The following CHN2 variants were observed in gnomAD, a reference collection of about 807,000 sequenced individuals.
CHN2 encodes the protein chimerin 2, also known as beta-chimaerin.
CHN2 carries 35 observed loss-of-function variants against 56.3 expected under a neutral mutation model. The observed-to-expected ratio is 0.62, with a 90% CI of 0.47 to 0.82. CHN2 has a LOEUF of 0.82. Among genes scored for constraint, CHN2 ranks in the 40% least tolerant of loss-of-function variants. CHN2 has a pLI of 0.00. For missense variants in CHN2, 491 were observed against 580.5 expected, an observed-to-expected ratio of 0.85 and a Z score of 1.58; for synonymous variants, 210 against 212.8, an observed-to-expected ratio of 0.99 and a Z score of 0.12.
chr7:29,229,245 A>G (rs1296065444), intron 1 of CHN2, among the ~76,000 whole-genome samples: 2 of 152,196 alleles, frequency 1.3e-5, no homozygotes, highest in Non-Finnish European at 2.9e-5. Context: ...ACATGTCTTT[A>G]CCTTATCTAA....
chr7:29,510,934 T>C (rs1036664146), intron 12 of CHN2, among the ~76,000 whole-genome samples: 1 of 85,310 alleles, frequency 1.2e-5, no homozygotes, highest in Non-Finnish European at 2.3e-5. Flanking sequence ...GGTGACACTA[T>C]TCTCCCTAAA....
At chr7:29,459,170 G>A (rs929193071) in intron 6 of CHN2, among the ~76,000 whole-genome samples, 3 of 152,126 alleles carry the variant, frequency 2.0e-5, no homozygotes, top group African/African-American at 7.2e-5. Flanking sequence ...TCTCCCGCTC[G>A]GAAGGCTATG....
rs778941675 is a variant in CHN2 at position 29,447,099 on chromosome 7, T to A, written c.577-33180T>A. Among the ~76,000 whole-genome samples the A allele has an allele frequency of 3.3e-5, 5 of 152,298 alleles. No individual in the cohort carries two copies. The South Asian group carries it at 8.3e-4, about 25-fold the overall frequency. On this transcript the variant is annotated intron_variant, in intron 6 of 12. Coordinates refer to ENST00000222792, the MANE Select transcript of CHN2 (RefSeq NM_004067.4). ...AAAATTCAGAATGTCAGTCAACTAA[T>A]GAAAAATTACAGATGGGGGAAGAGG... is the stretch of plus-strand genomic sequence containing the variant.
At chr7:29,370,793 A>G (rs1176589602) in intron 3 of CHN2, among the ~76,000 whole-genome samples, 2 of 152,298 alleles carry the variant, frequency 1.3e-5, no homozygotes, top group Non-Finnish European at 2.9e-5. Context: ...GTGGTTATCA[A>G]CAGATACCAA....
At chr7:29,183,424 T>A (rs1159651679) in intron 2 of CHN2, among the ~76,000 whole-genome samples, 1 of 151,036 alleles carries the variant, frequency 6.6e-6, no homozygotes, top group Non-Finnish European at 1.5e-5. Flanking sequence ...TTGCCCAGGC[T>A]GGAGTGAGGT....
intron 6 of CHN2, among the ~76,000 whole-genome samples, chr7:29,461,342 T>C (rs1278892951): frequency 6.6e-6 from 1 of 151,768 alleles, no homozygotes; most frequent in Non-Finnish European, 1.5e-5. Flanking sequence ...GATGGAGGGG[T>C]GACTAGGAGT....
intron 8 of CHN2, among the ~76,000 whole-genome samples, chr7:29,499,531 AC>A (rs1467256173): frequency 2.0e-4 from 30 of 152,182 alleles, no homozygotes; most frequent in Admixed American, 2.0e-3. Flanking sequence ...GGGAATCCAA[AC>A]CCGAAAACCT....
chr7:29,170,656 T>C (rs1370766491), intron 2 of CHN2, among the ~76,000 whole-genome samples: 3 of 152,228 alleles, frequency 2.0e-5, no homozygotes, highest in African/African-American at 7.2e-5. Flanking sequence ...TTCTGTAATA[T>C]CTAATCTCAG....
chr7:29,335,033 A>G (rs959868067), intron 1 of CHN2, among the ~76,000 whole-genome samples: 2 of 152,230 alleles, frequency 1.3e-5, no homozygotes, highest in African/African-American at 4.8e-5. Flanking sequence ...TAGGTTGAAT[A>G]TAATAGTTTT....
chr7:29,177,535 T>TG (rs1406662039), intron 2 of CHN2, among the ~76,000 whole-genome samples: 1 of 151,766 alleles, frequency 6.6e-6, no homozygotes, highest in Non-Finnish European at 1.5e-5. Context: ...ATTACAGGCA[T>TG]GACCCACCGT....
chr7:29,466,503 T>A (rs992830082), intron 6 of CHN2, among the ~76,000 whole-genome samples: 2 of 152,228 alleles, frequency 1.3e-5, no homozygotes, highest in African/African-American at 2.4e-5. Flanking sequence ...TTAACCTAAA[T>A]CATGTTTGTA....
chr7:29,187,664 G>T (rs1410635066), intron 2 of CHN2, among the ~76,000 whole-genome samples: 1 of 151,928 alleles, frequency 6.6e-6, no homozygotes. Flanking sequence ...GGAGGCAGAG[G>T]TTGCAATGAG....
intron 2 of CHN2, among the ~76,000 whole-genome samples, chr7:29,363,734 G>GTCAGGGAA (rs1798918405): frequency 6.6e-6 from 1 of 152,158 alleles, no homozygotes. Flanking sequence ...ATTTTATACA[G>GTCAGGGAA]GCAAGTCAGG....
chr7:29,477,262 C>T (rs1477557603), intron 6 of CHN2, among the ~76,000 whole-genome samples: 1 of 152,182 alleles, frequency 6.6e-6, no homozygotes, highest in Non-Finnish European at 1.5e-5. Flanking sequence ...CTTCACTTGT[C>T]TGAATGTGTC....
chr7:29,239,676 C>G (rs113265411), intron 1 of CHN2, among the ~76,000 whole-genome samples: 30 of 152,312 alleles, frequency 2.0e-4, no homozygotes, highest in African/African-American at 6.5e-4. Context: ...TTCCCACATT[C>G]TGATCTGATT....
chr7:29,371,108 G>A (rs1451492195), intron 3 of CHN2, among the ~76,000 whole-genome samples: 2 of 152,212 alleles, frequency 1.3e-5, no homozygotes, highest in African/African-American at 4.8e-5. Context: ...CTCAGTTAAT[G>A]TTCATGATTC....
intron 6 of CHN2, among the ~76,000 whole-genome samples, chr7:29,411,566 C>T (rs1803219404): frequency 6.6e-6 from 1 of 152,178 alleles, no homozygotes; most frequent in South Asian, 2.1e-4. Context: ...CCCCGTGTCC[C>T]TGGCTAGGGT....
intron 1 of CHN2, among the ~76,000 whole-genome samples, chr7:29,324,308 C>T (rs1795627020): frequency 6.6e-6 from 1 of 152,210 alleles, no homozygotes; most frequent in Admixed American, 6.5e-5. Context: ...TGCATCTCTT[C>T]TCCACACAGC....
intron 3 of CHN2, among the ~76,000 whole-genome samples, chr7:29,376,611 C>G (rs548416982): frequency 1.2e-4 from 19 of 152,192 alleles, no homozygotes; most frequent in Non-Finnish European, 2.1e-4. Flanking sequence ...TCTTGCTTCT[C>G]TCTGCTTTCT....
Sources: allele counts gnomAD v4.1 joint callset (sites outside exome capture counted in the v4.1 genomes callset), GRCh38; gene constraint gnomAD v4.1.1; transcripts MANE v1.5; gene names NCBI Gene and HGNC (gene_info 2026-07-23, HGNC 2026-07-21).